VSTM2L: variants seen among roughly 807,000 people sequenced by gnomAD.
VSTM2L encodes the protein V-set and transmembrane domain-containing protein 2-like protein.
In VSTM2L, 9 loss-of-function variants were observed where a neutral mutation model predicts 19.9. That is an observed-to-expected ratio of 0.45 (90% CI 0.27 to 0.79). VSTM2L has a LOEUF of 0.79. Among genes scored for constraint, VSTM2L ranks in the 30% least tolerant of loss-of-function variants. The pLI is 0.15. For missense variants in VSTM2L, 286 were observed against 295.5 expected (o/e 0.97, Z 0.24); for synonymous variants, 127 against 133.8 (o/e 0.95, Z 0.35).
intron 1 of VSTM2L, among the ~76,000 whole-genome samples, chr20:37,931,200 G>A (rs1479757724): frequency 1.3e-5 from 2 of 152,148 alleles, no homozygotes; most frequent in East Asian, 1.9e-4. Flanking sequence ...CAAAGATGGC[G>A]CTGGCCGCTG....
At position 37,944,266 on chromosome 20, in the gene VSTM2L, G is replaced by T. The variant is rs892282436; in HGVS notation, c.*13G>T. The T allele has an allele frequency of 2.7e-6, 4 of 1,468,060 alleles. No homozygotes were observed. Among genetic ancestry groups the T allele is most frequent in the African/African-American group, 2.9e-5 (2 of 68,864 alleles). 90.9% of individuals were successfully genotyped at this position (1,468,060 alleles called of 1,614,324 possible). On this transcript the variant is annotated 3_prime_UTR_variant, in exon 4 of 4. Coordinates refer to ENST00000373461, the MANE Select transcript of VSTM2L (RefSeq NM_080607.3). Reference sequence around the variant, plus strand: ...CTGCAGCCTCTAGACTGATGCCCCTGCCCCCGCCCATCCGCCCCCACGCTG... The same window carrying T: ...CTGCAGCCTCTAGACTGATGCCCCTTCCCCCGCCCATCCGCCCCCACGCTG...
intron 3 of VSTM2L, among the ~76,000 whole-genome samples, chr20:37,936,274 G>A (rs1054433018): frequency 4.6e-5 from 7 of 152,084 alleles, no homozygotes; most frequent in Non-Finnish European, 1.0e-4. Context: ...GCGGGGGCCC[G>A]GGAAACCCAG....
At chr20:37,910,093 C>G (rs1388303366) in intron 1 of VSTM2L, among the ~76,000 whole-genome samples, 3 of 152,186 alleles carry the variant, frequency 2.0e-5, no homozygotes, top group African/African-American at 7.2e-5. Context: ...TTGGGTCCTA[C>G]CGGAGAGATG....
In VSTM2L at chr20:37,942,053, A is replaced by C. The variant is rs116718493; in HGVS notation, c.343-1928A>C. Among the ~76,000 whole-genome samples, 1,006 of 152,238 alleles carry C rather than the reference A, an allele frequency of 6.6e-3. 9 individuals carry two copies. The highest frequency in any genetic ancestry group is 0.023 in the African/African-American group (954 of 41,532). On this transcript the variant is annotated intron_variant, in intron 3 of 3. Transcript: ENST00000373461. ...TTCTTTTTTAATTGAAAAAACACCC[A>C]CAGCAACTTTATATTCAGGGCAGAT...
Position 37,944,776 on chromosome 20 carries a change from G to A in VSTM2L, c.*523G>A, listed in dbSNP as rs1043975562. 24 of 986,312 alleles carry A rather than the reference G, an allele frequency of 2.4e-5. No homozygotes were observed. The African/African-American group carries it at 4.0e-4, about 17-fold the overall frequency. The allele number at this position is 986,312 out of a possible 1,614,324, so 61.1% of individuals were successfully genotyped here. ...GGGAACCCAGGAGGGCCCTTCTGGG[G>A]CAGTGGCTCTGCAGGGTCACTCATG... On this transcript the variant is annotated 3_prime_UTR_variant, in exon 4 of 4. Transcript: ENST00000373461.
chr20:37,937,760 C>A (rs1380661809), intron 3 of VSTM2L, among the ~76,000 whole-genome samples: 2 of 152,140 alleles, frequency 1.3e-5, no homozygotes, highest in African/African-American at 4.8e-5. Context: ...AATAATCATG[C>A]ATGATAAAAA....
At chr20:37,938,426 CT>C (rs2072952566) in intron 3 of VSTM2L, among the ~76,000 whole-genome samples, 1 of 152,192 alleles carries the variant, frequency 6.6e-6, no homozygotes, top group South Asian at 2.1e-4. Flanking sequence ...CATCTGACCC[CT>C]ATTCCTCACC....
chr20:37,928,897 A>G (rs2072893393), intron 1 of VSTM2L, among the ~76,000 whole-genome samples: 1 of 152,252 alleles, frequency 6.6e-6, no homozygotes, highest in South Asian at 2.1e-4. Context: ...GCAAGTGGCT[A>G]TTAACATTTA....
intron 1 of VSTM2L, among the ~76,000 whole-genome samples, chr20:37,910,389 C>T (rs2072773247): frequency 6.6e-6 from 1 of 152,194 alleles, no homozygotes; most frequent in African/African-American, 2.4e-5. Flanking sequence ...ACTGCATGCT[C>T]CATACTCTTC....
chr20:37,919,912 TACC>T (rs2072841099), intron 1 of VSTM2L, among the ~76,000 whole-genome samples: 1 of 152,184 alleles, frequency 6.6e-6, no homozygotes, highest in Non-Finnish European at 1.5e-5. Context: ...CTGATAATAG[TACC>T]ATCTCATCAA....
At chr20:37,919,069 G>T (rs1051020375) in intron 1 of VSTM2L, among the ~76,000 whole-genome samples, 1 of 152,298 alleles carries the variant, frequency 6.6e-6, no homozygotes, top group South Asian at 2.1e-4. Flanking sequence ...GAGGGCAGGG[G>T]CCTGATCTGT....
chr20:37,919,244 C>G (rs1737690085), intron 1 of VSTM2L, among the ~76,000 whole-genome samples: 1 of 152,224 alleles, frequency 6.6e-6, no homozygotes. Flanking sequence ...TACAAAATGC[C>G]TTCTTCTTGG....
chr20:37,933,646 T>TA (rs1003581110), intron 3 of VSTM2L, 57 bp downstream of exon 3: 763 of 1,552,228 alleles, frequency 4.9e-4, no homozygotes, highest in Middle Eastern at 8.5e-4. Context: ...AGCTGTGACT[T>TA]AAAAAAAAAT....
At chr20:37,918,053 C>T (rs544076049) in intron 1 of VSTM2L, among the ~76,000 whole-genome samples, 2 of 152,318 alleles carry the variant, frequency 1.3e-5, no homozygotes, top group East Asian at 3.9e-4. Context: ...GTCATCCATT[C>T]ATTTCTTTGT....
chr20:37,913,849 C>T (rs1032240188), intron 1 of VSTM2L, among the ~76,000 whole-genome samples: 1 of 152,298 alleles, frequency 6.6e-6, no homozygotes, highest in East Asian at 1.9e-4. Flanking sequence ...TGGTCTTACC[C>T]CTGGAGAAGG....
intron 1 of VSTM2L, among the ~76,000 whole-genome samples, chr20:37,909,276 G>A (rs1014113776): frequency 1.3e-5 from 2 of 152,186 alleles, no homozygotes; most frequent in Admixed American, 1.3e-4. Context: ...TGTGAACAGC[G>A]GCACAGGTGC....
chr20:37,912,165 A>G (rs760194006), intron 1 of VSTM2L, among the ~76,000 whole-genome samples: 3 of 152,244 alleles, frequency 2.0e-5, no homozygotes, highest in Admixed American at 6.5e-5. Flanking sequence ...GATGCTGAAC[A>G]GCAAAGCCGG....
chr20:37,943,872 G>A, intron 3 of VSTM2L, 109 bp from the exon 4 acceptor site: 2 of 1,234,920 alleles, frequency 1.6e-6, no homozygotes, highest in South Asian at 3.3e-5. Flanking sequence ...TTGTGGGAGT[G>A]TTTCTGGGGC....
intron 1 of VSTM2L, among the ~76,000 whole-genome samples, chr20:37,912,086 G>C (rs1420008510): frequency 6.6e-6 from 1 of 152,186 alleles, no homozygotes; most frequent in Non-Finnish European, 1.5e-5. Context: ...ACCATGCTAG[G>C]AGGCGGGCCC....
Sources: allele counts gnomAD v4.1 joint callset (sites outside exome capture counted in the v4.1 genomes callset), GRCh38; gene constraint gnomAD v4.1.1; transcripts MANE v1.5; gene names NCBI Gene and HGNC (gene_info 2026-07-23, HGNC 2026-07-21).